Variants in UST observed in about 807,000 individuals in gnomAD.
UST encodes uronyl 2-sulfotransferase, also known as chondroitin sulfate 2-O-sulfotransferase.
In UST, 21 loss-of-function variants were observed where a neutral mutation model predicts 45.6. The ratio of observed to expected loss-of-function variants is 0.46; its 90% CI spans 0.33 to 0.66. The LOEUF is 0.66. Among genes scored for constraint, UST ranks in the 30% least tolerant of loss-of-function variants. The probability of loss-of-function intolerance (pLI) is 0.02; values close to 1 mark genes in which losing one functional copy is unlikely to be tolerated. For missense variants in UST, 463 were observed against 512.4 expected (o/e 0.90, Z 0.93); for synonymous variants, 215 against 200.6 (o/e 1.07, Z -0.61).
At chr6:148,856,693 G>A (rs1196642716) in intron 1 of UST, among the ~76,000 whole-genome samples, 1 of 152,176 alleles carries the variant, frequency 6.6e-6, no homozygotes, top group East Asian at 1.9e-4. Flanking sequence ...TGAGTTATTT[G>A]CCTTGGTCAG....
intron 5 of UST, among the ~76,000 whole-genome samples, chr6:148,966,821 C>T (rs1780811164): frequency 6.6e-6 from 1 of 152,220 alleles, no homozygotes; most frequent in South Asian, 2.1e-4. Context: ...ACTGCAACCT[C>T]CACCTCCGGG....
intron 1 of UST, among the ~76,000 whole-genome samples, chr6:148,784,605 G>C (rs1185476553): frequency 6.6e-6 from 1 of 152,200 alleles, no homozygotes; most frequent in Non-Finnish European, 1.5e-5. Context: ...GAAAGAACAA[G>C]TGGAAAATTG....
rs769539772 is a variant in UST, at chr6:149,024,520, G to A, written c.937+3039G>A. ...AGTTCCTCTATCCCAACAAGTTTCC[G>A]TGTCCCCTGAGGCAGAGGACAAGAG... On this transcript the variant is annotated intron_variant, in intron 7 of 7. Coordinates refer to ENST00000367463, the MANE Select transcript of UST (RefSeq NM_005715.3). Among the ~76,000 whole-genome samples the A allele has an allele frequency of 5.4e-4, 82 of 151,322 alleles. 1 individual carries two copies. The highest frequency in any genetic ancestry group is 1.6e-4 in the Non-Finnish European group (11 of 67,844).
At chr6:149,065,765 T>A (rs1331277696) in intron 7 of UST, among the ~76,000 whole-genome samples, 6 of 152,350 alleles carry the variant, frequency 3.9e-5, no homozygotes. Flanking sequence ...CAATATTGGT[T>A]GAATCTGAGT....
intron 1 of UST, among the ~76,000 whole-genome samples, chr6:148,759,483 C>T (rs1338669404): frequency 6.6e-6 from 1 of 151,324 alleles, no homozygotes; most frequent in Non-Finnish European, 1.5e-5. Context: ...GCCGAGATCG[C>T]ACCACTGCAC....
chr6:148,905,317 C>T (rs1329018400), intron 2 of UST, among the ~76,000 whole-genome samples: 1 of 152,154 alleles, frequency 6.6e-6, no homozygotes, highest in Non-Finnish European at 1.5e-5. Context: ...TGCAGGGCTC[C>T]TCTGCCCCTG....
At chr6:148,890,616 A>C (rs890115365) in intron 2 of UST, among the ~76,000 whole-genome samples, 1 of 152,200 alleles carries the variant, frequency 6.6e-6, no homozygotes, top group African/African-American at 2.4e-5. Flanking sequence ...CACAAGTAAT[A>C]GCCATTTAGG....
chr6:148,866,198 A>G (rs1778428148), intron 1 of UST, among the ~76,000 whole-genome samples: 1 of 142,674 alleles, frequency 7.0e-6, no homozygotes, highest in Non-Finnish European at 1.5e-5. Context: ...TGATAACTAA[A>G]AAATGAAATA....
At chr6:149,024,717 T>G (rs1288900512) in intron 7 of UST, among the ~76,000 whole-genome samples, 1 of 152,186 alleles carries the variant, frequency 6.6e-6, no homozygotes, top group Non-Finnish European at 1.5e-5. Flanking sequence ...TTAGTCTAAG[T>G]TCATGTCTTA....
intron 1 of UST, among the ~76,000 whole-genome samples, chr6:148,774,267 A>ATT (rs202059912): frequency 3.8e-5 from 4 of 105,508 alleles, no homozygotes; most frequent in African/African-American, 1.6e-4. Flanking sequence ...GAACAAGGTT[A>ATT]TTTTATATAT....
intron 1 of UST, among the ~76,000 whole-genome samples, chr6:148,795,579 C>T (rs978210439): frequency 7.2e-5 from 11 of 152,046 alleles, no homozygotes; most frequent in African/African-American, 1.7e-4. Context: ...CAACGCCTGC[C>T]GTATTTTACC....
intron 1 of UST, among the ~76,000 whole-genome samples, chr6:148,882,486 C>CAAAAAA (rs397741900): frequency 9.4e-5 from 7 of 74,128 alleles, no homozygotes; most frequent in Non-Finnish European, 7.3e-5. Flanking sequence ...AACTCCATCT[C>CAAAAAA]AAAAAAAAAA....
At chr6:148,836,679 A>G (rs1160239706) in intron 1 of UST, among the ~76,000 whole-genome samples, 1 of 152,178 alleles carries the variant, frequency 6.6e-6, no homozygotes, top group Non-Finnish European at 1.5e-5. Flanking sequence ...GCCACTCTTT[A>G]AGACTTGTTA....
intron 7 of UST, among the ~76,000 whole-genome samples, chr6:149,037,418 GA>G (rs2115029231): frequency 6.6e-6 from 1 of 152,360 alleles, no homozygotes; most frequent in Non-Finnish European, 1.5e-5. Context: ...AGACTGAAGG[GA>G]AAGTCAATCA....
At chr6:148,911,628 T>C (rs1229288822) in intron 2 of UST, among the ~76,000 whole-genome samples, 1 of 152,128 alleles carries the variant, frequency 6.6e-6, no homozygotes, top group Admixed American at 6.5e-5. Flanking sequence ...AATTTTGGCT[T>C]TCAGGACAAA....
At chr6:148,899,737 C>T (rs1199116152) in intron 2 of UST, among the ~76,000 whole-genome samples, 4 of 152,238 alleles carry the variant, frequency 2.6e-5, no homozygotes, top group South Asian at 2.1e-4. Context: ...CCCGATGGCG[C>T]CCTGCACGTC....
At chr6:148,966,894 G>A (rs59303380) in intron 5 of UST, among the ~76,000 whole-genome samples, 9,627 of 152,042 alleles carry the variant, frequency 0.063, 1,021 homozygotes, top group African/African-American at 0.22. Flanking sequence ...TTCCCACCAC[G>A]CCTGGTTAAT....
chr6:148,985,392 AC>A (rs1562320994), intron 5 of UST, among the ~76,000 whole-genome samples: 26 of 66,460 alleles, frequency 3.9e-4, no homozygotes, highest in African/African-American at 1.0e-3. Context: ...AAGCAAAACA[AC>A]AACAACAACA....
At chr6:149,028,954 C>G (rs1776093475) in intron 7 of UST, among the ~76,000 whole-genome samples, 1 of 152,126 alleles carries the variant, frequency 6.6e-6, no homozygotes, top group Non-Finnish European at 1.5e-5. Flanking sequence ...AAACTGTTTT[C>G]CATGTGCAGA....
Sources: gnomAD v4.1 joint callset for allele counts (sites outside exome capture counted in the v4.1 genomes callset) on GRCh38, gnomAD v4.1.1 for gene constraint, MANE v1.5 for transcripts, NCBI Gene and HGNC (gene_info 2026-07-23, HGNC 2026-07-21) for gene names.